The following ZNF577 variants were observed in gnomAD, a reference collection of about 807,000 sequenced individuals.
ZNF577 encodes the protein zinc finger protein 577.
ZNF577 carries 14 observed loss-of-function variants against 13.9 expected under a neutral mutation model. The observed-to-expected ratio is 1.00, with a 90% confidence interval of 0.66 to 1.57. The LOEUF (loss-of-function observed/expected upper bound fraction) is 1.57. Among genes scored for constraint, ZNF577 ranks in the 40% most tolerant of loss-of-function variants. ZNF577 has a pLI of 0.00. For missense variants in ZNF577, 555 were observed against 579.2 expected, an observed-to-expected ratio of 0.96 and a Z score of 0.43; for synonymous variants, 203 against 202.9, an observed-to-expected ratio of 1.00 and a Z score of 0.00.
chr19:51,878,043 G>C (rs2084794697), intron 4 of ZNF577: 1 of 169,606 alleles, frequency 5.9e-6, no homozygotes, highest in Non-Finnish European at 1.3e-5. Flanking sequence ...CTTATACGAG[G>C]TACTTAGAGA....
Position 51,872,463 on chromosome 19 carries a change from A to G in ZNF577, c.*69T>C. 4 of 1,315,674 alleles carry G rather than the reference A, an allele frequency of 3.0e-6. No homozygotes were observed. The South Asian group carries it at 4.7e-5, about 15-fold the overall frequency. The allele number at this position is 1,315,674 out of a possible 1,614,324, so 81.5% of individuals were successfully genotyped here. On this transcript the variant is annotated 3_prime_UTR_variant, in exon 6 of 6. Transcript: ENST00000638348. ...CTCCACAGTGTTTCAGCCCTAAATGAGCTCTCTGGGATATAATGGCTGGAG... is the reference window on the plus strand; with the variant it reads ...CTCCACAGTGTTTCAGCCCTAAATGGGCTCTCTGGGATATAATGGCTGGAG...
At chr19:51,857,385 A>AGAAAGAAG (rs2084440056) in intron 5 of ZNF577, among the ~76,000 whole-genome samples, 1 of 117,928 alleles carries the variant, frequency 8.5e-6, no homozygotes, top group Non-Finnish European at 1.7e-5. Flanking sequence ...AAAGAAAGAA[A>AGAAAGAAG]GAAAGAAAGA....
intron 9 of ZNF577, among the ~76,000 whole-genome samples, chr19:51,832,506 C>A (rs942933003): frequency 6.6e-6 from 1 of 152,066 alleles, no homozygotes; most frequent in African/African-American, 2.4e-5. Context: ...GAGGTGCAAA[C>A]CACCATGCCT....
At chr19:51,858,427 T>C (rs956735355) in intron 5 of ZNF577, among the ~76,000 whole-genome samples, 4 of 152,140 alleles carry the variant, frequency 2.6e-5, no homozygotes, top group Non-Finnish European at 5.9e-5. Context: ...TCAGAACATA[T>C]GACACACACA....
downstream of ZNF577, among the ~76,000 whole-genome samples, chr19:51,864,552 AAAATAACTGTTAGAG>A (rs2084538797): frequency 6.6e-6 from 1 of 152,212 alleles, no homozygotes; most frequent in Non-Finnish European, 1.5e-5. Flanking sequence ...AGCTTGAGTG[AAAATAACTGTTAGAG>A]AAAGGAGTAG....
rs571422598 is a variant in ZNF577 at position 51,819,708 on chromosome 19, A to G, written c.*600-8034T>C. Among the ~76,000 whole-genome samples, 560 of 152,332 alleles carry G rather than the reference A, an allele frequency of 3.7e-3. 3 individuals carry two copies. Among genetic ancestry groups the G allele is most frequent in the African/African-American group, 0.013 (530 of 41,572 alleles). On this transcript the variant is annotated intron_variant and NMD_transcript_variant, in intron 9 of 10. Coordinates refer to the ZNF577 transcript ENST00000638827. ...TGAGGTGAGAAAAAAAAAGCAAGCA[A>G]TTAGAGACAACCATTTCTAAAGTTT...
At chr19:51,836,782 G>A (rs2122530488) in intron 9 of ZNF577, among the ~76,000 whole-genome samples, 1 of 152,278 alleles carries the variant, frequency 6.6e-6, no homozygotes, top group East Asian at 1.9e-4. Flanking sequence ...AGTAGCTCAC[G>A]CCTGTAATAC....
rs1223474039 is a variant in ZNF577, at chr19:51,887,799, G to A, written c.-1197C>T. ...AGAAAAAAAAAAGCGCGCTCTCCCT[G>A]CCCCTGAAACATTCCCAGAAGCCCA... On this transcript the variant is annotated 5_prime_UTR_variant, in exon 1 of 6. It introduces an in-frame stop codon into an upstream open reading frame of the 5' UTR. Transcript: ENST00000638348. The A allele has an allele frequency of 1.3e-5, 2 of 150,838 alleles. No homozygotes were observed. Among genetic ancestry groups the A allele is most frequent in the Non-Finnish European group, 2.9e-5 (2 of 67,852 alleles). The allele number at this position is 150,838 out of a possible 1,614,324, so 9.3% of individuals were successfully genotyped here. A position where few individuals can be genotyped will look rare whatever the true frequency, so the allele number is the denominator to read the frequency against.
chr19:51,823,154 C>T (rs531857545), intron 9 of ZNF577, among the ~76,000 whole-genome samples: 31 of 152,244 alleles, frequency 2.0e-4, no homozygotes, highest in African/African-American at 7.2e-5. Flanking sequence ...TGAGTCACCA[C>T]GCCCGGCCTA....
At chr19:51,854,209 G>A (rs1376821103) in intron 5 of ZNF577, among the ~76,000 whole-genome samples, 4 of 152,144 alleles carry the variant, frequency 2.6e-5, no homozygotes, top group East Asian at 1.9e-4. Flanking sequence ...TATATCATTG[G>A]CATAAATATC....
chr19:51,811,007 A>G (rs577638661), intron 10 of ZNF577, among the ~76,000 whole-genome samples: 3 of 152,212 alleles, frequency 2.0e-5, no homozygotes, highest in Non-Finnish European at 4.4e-5. Flanking sequence ...GAGGCTGTAT[A>G]GGCCAATTTT....
At chr19:51,816,764 G>A (rs1396235484) in intron 9 of ZNF577, among the ~76,000 whole-genome samples, 4 of 152,178 alleles carry the variant, frequency 2.6e-5, no homozygotes, top group Non-Finnish European at 2.9e-5. Context: ...TGTGCGATCT[G>A]ATGCTATCTC....
rs2084955427 is a variant in ZNF577 at position 51,886,926 on chromosome 19, G to T, written c.-324C>A. The T allele has an allele frequency of 6.6e-6, 1 of 152,116 alleles. No individual in the cohort carries two copies. Among genetic ancestry groups the T allele is most frequent in the African/African-American group, 2.4e-5 (1 of 41,406 alleles). The allele number at this position is 152,116 out of a possible 1,614,324, so 9.4% of individuals were successfully genotyped here. On this transcript the variant is annotated 5_prime_UTR_variant, in exon 1 of 6. Coordinates refer to ENST00000638348, the MANE Select transcript of ZNF577 (RefSeq NM_001370449.1). ...AAAAATGCTCAACTAGAAAAAAGACGTCAATTTATAAGTTATATGTAATGA... is the reference window on the plus strand; with the variant it reads ...AAAAATGCTCAACTAGAAAAAAGACTTCAATTTATAAGTTATATGTAATGA...
At chr19:51,815,340 T>C (rs1003016009) in intron 9 of ZNF577, among the ~76,000 whole-genome samples, 1 of 152,078 alleles carries the variant, frequency 6.6e-6, no homozygotes, top group Non-Finnish European at 1.5e-5. Context: ...GGTGGGTGGA[T>C]CTCAAAGTCA....
rs1325967745 is a variant in ZNF577 at position 51,868,446 on chromosome 19, T to C, written c.*4086A>G. ...AGAGCAGGAAGAACAAGGGCAAACA[T>C]GTCCCACACAACAATGGGATTCTGT... On this transcript the variant is annotated 3_prime_UTR_variant, in exon 6 of 6. Transcript: ENST00000638348. Among the ~76,000 whole-genome samples the C allele has an allele frequency of 1.3e-5, 2 of 152,094 alleles. No individual in the cohort carries two copies. The highest frequency in any genetic ancestry group is 2.9e-5 in the Non-Finnish European group (2 of 68,002).
At chr19:51,852,252 G>A (rs897487953) in intron 5 of ZNF577, among the ~76,000 whole-genome samples, 2 of 152,204 alleles carry the variant, frequency 1.3e-5, no homozygotes, top group Admixed American at 1.3e-4. Context: ...CCACCAGACA[G>A]CGTGCTGGCC....
intron 5 of ZNF577, among the ~76,000 whole-genome samples, chr19:51,857,365 G>GGAAAGAAAGAAAGAAAGAAAGAAA (rs369768303): frequency 1.5e-4 from 14 of 93,356 alleles, no homozygotes; most frequent in Middle Eastern, 4.9e-3. Context: ...AAAGAAGGAA[G>GGAAAGAAAGAAAGAAAGAAAGAAA]GAAAGAAAGA....
chr19:51,824,491 C>T lies in ZNF577; in HGVS notation c.*600-12817G>A, dbSNP rs2084216839. 1.2e-6 allele frequency: 2 copies of T among 1,613,994 alleles called. No homozygotes were observed. Among genetic ancestry groups the T allele is most frequent in the Non-Finnish European group, 8.5e-7 (1 of 1,179,988 alleles). Reference sequence around the variant, plus strand: ...TTACGTGTCTTCGCTGCTGTGGTGGCTTCTTTCTTCATCTGTTGGTTCCCT... The same window carrying T: ...TTACGTGTCTTCGCTGCTGTGGTGGTTTCTTTCTTCATCTGTTGGTTCCCT... On this transcript the variant is annotated intron_variant and NMD_transcript_variant, in intron 9 of 10. Coordinates refer to the ZNF577 transcript ENST00000638827. This position sits in a 1 kb window ranked among gnomAD's most constrained non-coding sequence, Gnocchi z 4.7.
chr19:51,820,770 G>A (rs1449643332), intron 9 of ZNF577, among the ~76,000 whole-genome samples: 1 of 152,124 alleles, frequency 6.6e-6, no homozygotes, highest in Non-Finnish European at 1.5e-5. Context: ...CTGACTGGGG[G>A]CTTTAAATAA....
Sources: gnomAD v4.1 joint callset for allele counts (sites outside exome capture counted in the v4.1 genomes callset) on GRCh38, gnomAD v4.1.1 for gene constraint, Gnocchi (gnomAD v3.1) non-coding constraint, MANE v1.5 for transcripts, NCBI Gene and HGNC (gene_info 2026-07-23, HGNC 2026-07-21) for gene names.